PLXNA4: variants seen among roughly 807,000 people sequenced by gnomAD.
The protein encoded by PLXNA4 is plexin-A4.
Under a neutral mutation model 191.8 loss-of-function variants are expected in PLXNA4, and 44 were observed. The observed-to-expected ratio is 0.23, with a 90% CI of 0.18 to 0.29. The LOEUF (loss-of-function observed/expected upper bound fraction) is 0.29, where lower values mean the gene tolerates loss of function less well. PLXNA4 is among the 10% of genes least tolerant of loss of function. PLXNA4 has a pLI of 1.00. For synonymous variants in PLXNA4, 1,082 were observed against 1,009.5 expected (o/e 1.07, Z -1.36); for missense variants, 1,800 against 2,488.8 (o/e 0.72, Z 5.89).
chr7:132,537,568 A>G (rs1799900476), intron 1 of PLXNA4, among the ~76,000 whole-genome samples: 1 of 152,232 alleles, frequency 6.6e-6, no homozygotes, highest in African/African-American at 2.4e-5. Context: ...GACAAACACC[A>G]GAAGCAGAAC....
chr7:132,432,220 G>A (rs1391252167), intron 3 of PLXNA4, among the ~76,000 whole-genome samples: 1 of 152,136 alleles, frequency 6.6e-6, no homozygotes, highest in East Asian at 1.9e-4. Context: ...AGTCACTCGT[G>A]GCATTCTCTA....
In PLXNA4 at chr7:132,380,658, A is replaced by C. The variant is rs193170878; in HGVS notation, c.1372-82436T>G. Among the ~76,000 whole-genome samples the C allele has an allele frequency of 2.5e-3, 383 of 152,310 alleles. 1 individual carries two copies. Among genetic ancestry groups the C allele is most frequent in the African/African-American group, 8.8e-3 (364 of 41,576 alleles). ...AAGAGACAGGACGATTTAAAGTATC[A>C]GGAGCAGGGCCTCACGGGAGTGAGT... On this transcript the variant is annotated intron_variant, in intron 3 of 31. Transcript: ENST00000321063.
intron 3 of PLXNA4, among the ~76,000 whole-genome samples, chr7:132,369,079 T>G (rs2116888744): frequency 6.6e-6 from 1 of 152,314 alleles, no homozygotes; most frequent in Non-Finnish European, 1.5e-5. Context: ...CTGATGTGTC[T>G]GGCTGCTCAG....
chr7:132,567,958 G>A (rs1801809553), intron 1 of PLXNA4, among the ~76,000 whole-genome samples: 1 of 152,126 alleles, frequency 6.6e-6, no homozygotes, highest in Non-Finnish European at 1.5e-5. Flanking sequence ...AGGGGCAAGT[G>A]CATTTAGGGA....
At chr7:132,361,011 C>T (rs1489321781) in intron 3 of PLXNA4, among the ~76,000 whole-genome samples, 1 of 152,212 alleles carries the variant, frequency 6.6e-6, no homozygotes, top group Non-Finnish European at 1.5e-5. Flanking sequence ...GATTGTATTA[C>T]TTCCAGCTGC....
At chr7:132,219,035 A>G (rs752210679) in intron 9 of PLXNA4, among the ~76,000 whole-genome samples, 185 of 152,330 alleles carry the variant, frequency 1.2e-3, no homozygotes, top group Non-Finnish European at 2.4e-3. Context: ...TGGAAGACGC[A>G]CAGATGAAAG....
intron 2 of PLXNA4, among the ~76,000 whole-genome samples, chr7:132,491,420 A>G (rs1797793831): frequency 1.3e-5 from 2 of 152,164 alleles, no homozygotes; most frequent in Admixed American, 6.5e-5. Context: ...CCTCCAGAGA[A>G]GGTGACCTGC....
chr7:132,187,728 C>T (rs1473278732), intron 14 of PLXNA4, 121 bp from the exon 15 acceptor site: 43 of 1,453,806 alleles, frequency 3.0e-5, no homozygotes, highest in Non-Finnish European at 3.9e-5. Context: ...TAACAGTGGT[C>T]TCCCAGAGAA....
At chr7:132,622,952 C>T (rs73160212) in intron 2 of PLXNA4, among the ~76,000 whole-genome samples, 13,116 of 152,200 alleles carry the variant, frequency 0.086, 771 homozygotes, top group Middle Eastern at 0.15. Context: ...AGCCAGGTGA[C>T]TGTCAAAGCT....
intron 1 of PLXNA4, among the ~76,000 whole-genome samples, chr7:132,562,930 C>CCCT (rs1169624258): frequency 8.8e-4 from 7 of 7,930 alleles, no homozygotes; most frequent in Admixed American, 1.3e-3. Context: ...CTCCTCCTCT[C>CCCT]CCTCCTCCTC....
chr7:132,134,013 C>T (rs1382608662), intron 30 of PLXNA4, among the ~76,000 whole-genome samples: 1 of 152,176 alleles, frequency 6.6e-6, no homozygotes, highest in African/African-American at 2.4e-5. Context: ...CCAGCCCATG[C>T]CAAATCCCTG....
At chr7:132,568,340 G>A (rs545082146) in intron 1 of PLXNA4, among the ~76,000 whole-genome samples, 50 of 152,188 alleles carry the variant, frequency 3.3e-4, no homozygotes, top group African/African-American at 1.1e-3. Flanking sequence ...TTCAGAAATC[G>A]GATTGGCACC....
intron 3 of PLXNA4, among the ~76,000 whole-genome samples, chr7:132,378,489 T>G (rs6467438): frequency 0.35 from 53,175 of 151,874 alleles, 10,980 homozygotes; most frequent in African/African-American, 0.55. Flanking sequence ...GGTTGTCACC[T>G]CTCCCCTAGC....
intron 4 of PLXNA4, among the ~76,000 whole-genome samples, chr7:132,289,676 G>T (rs1800813935): frequency 6.6e-6 from 1 of 151,850 alleles, no homozygotes; most frequent in South Asian, 2.1e-4. Context: ...GGGACTACAG[G>T]TGCACACCAC....
At chr7:132,176,533 T>A (rs1181315937) in intron 20 of PLXNA4, among the ~76,000 whole-genome samples, 1 of 152,014 alleles carries the variant, frequency 6.6e-6, no homozygotes, top group Non-Finnish European at 1.5e-5. Context: ...TGTATGTGAG[T>A]GTGTGAGTGT....
chr7:132,479,569 G>A lies in PLXNA4; in HGVS notation c.1371+9723C>T, dbSNP rs1047048610. On this transcript the variant is annotated intron_variant, in intron 3 of 31. Coordinates refer to ENST00000321063, the MANE Select transcript of PLXNA4 (RefSeq NM_020911.2). ...GCCCGGGACCCCACAATGAGCAAGG[G>A]AGAGAATGCCGCCCGGCAGTGGGTG... 2.8e-4 allele frequency among the ~76,000 whole-genome samples: 43 copies of A among 152,248 alleles called. 1 individual carries two copies. The highest frequency in any genetic ancestry group is 3.1e-4 in the African/African-American group (13 of 41,472).
chr7:132,188,464 T>C (rs1442706110), intron 14 of PLXNA4, among the ~76,000 whole-genome samples: 3 of 152,164 alleles, frequency 2.0e-5, no homozygotes, highest in African/African-American at 7.2e-5. Context: ...AGTCGAACCC[T>C]CTCAGTTCCT....
At chr7:132,626,849 G>A (rs935265512) in intron 2 of PLXNA4, among the ~76,000 whole-genome samples, 9 of 152,120 alleles carry the variant, frequency 5.9e-5, no homozygotes, top group Non-Finnish European at 4.4e-5. Flanking sequence ...TAGCTCTGGA[G>A]CACCCTATGG....
At chr7:132,618,075 G>T (rs574262455) in intron 2 of PLXNA4, among the ~76,000 whole-genome samples, 1 of 152,272 alleles carries the variant, frequency 6.6e-6, no homozygotes, top group South Asian at 2.1e-4. Flanking sequence ...CATCATTCCT[G>T]CTCAGGTCTC....
Sources: gnomAD v4.1 joint callset for allele counts (sites outside exome capture counted in the v4.1 genomes callset) on GRCh38, gnomAD v4.1.1 for gene constraint, MANE v1.5 for transcripts, NCBI Gene and HGNC (gene_info 2026-07-23, HGNC 2026-07-21) for gene names.